The following PTPRM variants were observed in gnomAD, a reference collection of about 807,000 sequenced individuals.
The protein encoded by PTPRM is protein tyrosine phosphatase receptor type M, also known as receptor-type tyrosine-protein phosphatase mu.
PTPRM carries 47 observed loss-of-function variants against 186.7 expected under a neutral mutation model. That is an observed-to-expected ratio of 0.25 (90% CI 0.20 to 0.32). The LOEUF is 0.32. Ranked by LOEUF, PTPRM falls within the 10% of genes least tolerant of loss-of-function variation. The pLI is 1.00. For missense variants in PTPRM, 1,494 were observed against 1,865.0 expected, an observed-to-expected ratio of 0.80 and a Z score of 3.66; for synonymous variants, 668 against 674.9, an observed-to-expected ratio of 0.99 and a Z score of 0.16.
At chr18:8,195,152 C>CTTTTTTTTTTTTTTT (rs1164451439) in intron 14 of PTPRM, among the ~76,000 whole-genome samples, 1 of 117,066 alleles carries the variant, frequency 8.5e-6, no homozygotes. Context: ...CTTAGAAGTT[C>CTTTTTTTTTTTTTTT]TTTTTTTTTT....
intron 25 of PTPRM, 40 bp from the exon 26 acceptor site, chr18:8,376,422 G>T: frequency 6.2e-7 from 1 of 1,613,518 alleles, no homozygotes. Flanking sequence ...CAGCAGTGTG[G>T]TCCTTCTTCC....
chr18:7,945,522 G>T (rs951596289), intron 5 of PTPRM, among the ~76,000 whole-genome samples: 1 of 151,676 alleles, frequency 6.6e-6, no homozygotes, highest in Non-Finnish European at 1.5e-5. Context: ...CACCAGATGA[G>T]GCCATTTGAC....
intron 2 of PTPRM, among the ~76,000 whole-genome samples, chr18:7,842,930 G>GTATATA (rs1555616949): frequency 0.11 from 11,387 of 100,170 alleles, 863 homozygotes; most frequent in Admixed American, 0.15. Flanking sequence ...GTGTGTGTGT[G>GTATATA]TATATATATA....
At chr18:8,186,795 A>G (rs2093647790) in intron 14 of PTPRM, among the ~76,000 whole-genome samples, 1 of 152,236 alleles carries the variant, frequency 6.6e-6, no homozygotes, top group Non-Finnish European at 1.5e-5. Flanking sequence ...GTTCAAAGAC[A>G]TCTAGATACT....
intron 2 of PTPRM, among the ~76,000 whole-genome samples, chr18:7,817,348 A>G (rs1057185429): frequency 1.3e-5 from 2 of 152,208 alleles, no homozygotes; most frequent in Non-Finnish European, 2.9e-5. Flanking sequence ...GATCATATTG[A>G]TAATCCAGTG....
rs73387703 is a variant in PTPRM at position 8,056,104 on chromosome 18, T to A, written c.1133-13582T>A. 8.1e-3 allele frequency among the ~76,000 whole-genome samples: 1,226 copies of A among 152,278 alleles called. 20 individuals are homozygous for A. The highest frequency in any genetic ancestry group is 0.028 in the African/African-American group (1,184 of 41,548). On this transcript the variant is annotated intron_variant, in intron 7 of 32. Coordinates refer to ENST00000580170, the MANE Select transcript of PTPRM (RefSeq NM_001105244.2). ...CTGTTATAATCAGAAATTGTAATAA[T>A]TACTTTATGGATGTATTCTTCATTT... is the stretch of plus-strand genomic sequence containing the variant.
At chr18:7,695,139 C>T (rs1030008252) in intron 1 of PTPRM, among the ~76,000 whole-genome samples, 4 of 152,150 alleles carry the variant, frequency 2.6e-5, no homozygotes, top group South Asian at 2.1e-4. Flanking sequence ...CTCCCCATGC[C>T]GCTGTTTTCT....
At chr18:7,941,042 T>G (rs1465633513) in intron 5 of PTPRM, among the ~76,000 whole-genome samples, 1 of 152,188 alleles carries the variant, frequency 6.6e-6, no homozygotes, top group Admixed American at 6.5e-5. Flanking sequence ...TGACTTTTAC[T>G]AGTATCCTGT....
At chr18:7,658,589 G>A (rs1389152357) in intron 1 of PTPRM, among the ~76,000 whole-genome samples, 2 of 151,898 alleles carry the variant, frequency 1.3e-5, no homozygotes, top group Non-Finnish European at 2.9e-5. Context: ...TTGTAAAGAC[G>A]TTTTATTCAA....
chr18:7,922,778 A>G (rs545605023), intron 4 of PTPRM, among the ~76,000 whole-genome samples: 45 of 150,638 alleles, frequency 3.0e-4, no homozygotes, highest in African/African-American at 1.0e-3. Flanking sequence ...TTAATTAGTA[A>G]TTTCTAATAG....
chr18:8,332,767 A>G (rs2095418881), intron 22 of PTPRM, among the ~76,000 whole-genome samples: 2 of 152,188 alleles, frequency 1.3e-5, no homozygotes, highest in Non-Finnish European at 2.9e-5. Context: ...CCAGTTGAGA[A>G]GAGATGTGTC....
chr18:7,895,410 G>C (rs558889781), intron 3 of PTPRM, among the ~76,000 whole-genome samples: 9 of 152,268 alleles, frequency 5.9e-5, no homozygotes, highest in African/African-American at 1.7e-4. Context: ...AATGAAAAAG[G>C]GTTCCAGGAA....
At chr18:8,293,730 C>T (rs535958877) in intron 19 of PTPRM, among the ~76,000 whole-genome samples, 5 of 152,204 alleles carry the variant, frequency 3.3e-5, no homozygotes, top group Non-Finnish European at 7.4e-5. Context: ...TTTAAAATCC[C>T]TGAAGCTATT....
chr18:7,744,704 A>G (rs1330140651), intron 1 of PTPRM, among the ~76,000 whole-genome samples: 4 of 152,082 alleles, frequency 2.6e-5, no homozygotes, highest in Non-Finnish European at 5.9e-5. Context: ...GAAAAATGAG[A>G]ACTGTATTGG....
chr18:7,684,430 A>G (rs2039551277), intron 1 of PTPRM, among the ~76,000 whole-genome samples: 1 of 152,204 alleles, frequency 6.6e-6, no homozygotes, highest in Non-Finnish European at 1.5e-5. Context: ...TTATGGTACA[A>G]TATAGTACAG....
At chr18:7,862,743 C>G (rs901743016) in intron 2 of PTPRM, among the ~76,000 whole-genome samples, 1 of 152,300 alleles carries the variant, frequency 6.6e-6, no homozygotes, top group East Asian at 1.9e-4. Flanking sequence ...ATGTAACAAA[C>G]TCGCAGAATC....
chr18:7,677,641 G>A (rs2039376393), intron 1 of PTPRM, among the ~76,000 whole-genome samples: 1 of 152,126 alleles, frequency 6.6e-6, no homozygotes, highest in Non-Finnish European at 1.5e-5. Flanking sequence ...GTGGCATGGA[G>A]AGCCTTCTTC....
intron 1 of PTPRM, among the ~76,000 whole-genome samples, chr18:7,715,679 G>A (rs2040313127): frequency 6.6e-6 from 1 of 152,138 alleles, no homozygotes; most frequent in African/African-American, 2.4e-5. Flanking sequence ...CAAAATCAAT[G>A]TGCAAAAATC....
chr18:7,571,695 A>G (rs577683677), intron 1 of PTPRM, among the ~76,000 whole-genome samples: 51 of 152,326 alleles, frequency 3.3e-4, no homozygotes, highest in African/African-American at 1.2e-3. Flanking sequence ...TATTTTAAGG[A>G]TGTTTGTGGG....
Sources: gnomAD v4.1 joint callset for allele counts (sites outside exome capture counted in the v4.1 genomes callset) on GRCh38, gnomAD v4.1.1 for gene constraint, MANE v1.5 for transcripts, NCBI Gene and HGNC (gene_info 2026-07-23, HGNC 2026-07-21) for gene names.